The following SYN3 variants were observed in gnomAD, a reference collection of about 807,000 sequenced individuals.
SYN3 encodes the protein synapsin III, also known as synapsin-3.
In SYN3, 35 loss-of-function variants were observed where a neutral mutation model predicts 65.8. That is an observed-to-expected ratio of 0.53 (90% CI 0.41 to 0.70). The LOEUF (loss-of-function observed/expected upper bound fraction) is 0.70. SYN3 is among the 30% of genes least tolerant of loss of function. SYN3 has a pLI of 0.00. For synonymous variants in SYN3, 270 were observed against 292.9 expected (o/e 0.92, Z 0.80); for missense variants, 680 against 749.0 (o/e 0.91, Z 1.08).
chr22:32,550,393 G>C (rs1021069977), intron 7 of SYN3, among the ~76,000 whole-genome samples: 2 of 147,204 alleles, frequency 1.4e-5, no homozygotes, highest in African/African-American at 5.0e-5. Flanking sequence ...CAACACAACA[G>C]TAACTATATA....
At chr22:32,911,905 T>C (rs1357485628) in intron 4 of SYN3, among the ~76,000 whole-genome samples, 1 of 152,182 alleles carries the variant, frequency 6.6e-6, no homozygotes, top group African/African-American at 2.4e-5. Context: ...CATGGTGTAG[T>C]TGTCAGAACA....
intron 6 of SYN3, among the ~76,000 whole-genome samples, chr22:32,770,272 C>T (rs1176139017): frequency 6.6e-6 from 1 of 152,174 alleles, no homozygotes; most frequent in Non-Finnish European, 1.5e-5. Flanking sequence ...TCTGTTCTTG[C>T]CCCACAACCA....
intron 6 of SYN3, among the ~76,000 whole-genome samples, chr22:32,647,488 C>A (rs1967968761): frequency 6.6e-6 from 1 of 151,304 alleles, no homozygotes; most frequent in African/African-American, 2.4e-5. Context: ...ACTCTATAGC[C>A]CAGGCTGGAG....
At chr22:33,020,721 C>T (rs1332577352) in intron 1 of SYN3, among the ~76,000 whole-genome samples, 1 of 152,152 alleles carries the variant, frequency 6.6e-6, no homozygotes, top group African/African-American at 2.4e-5. Flanking sequence ...AAGCCCCCTC[C>T]CAAACCCAGG....
intron 1 of SYN3, among the ~76,000 whole-genome samples, chr22:33,049,026 G>A (rs2054116741): frequency 6.6e-6 from 1 of 152,008 alleles, no homozygotes; most frequent in African/African-American, 2.4e-5. Flanking sequence ...GATAGCACAG[G>A]GAATTACTAT....
intron 6 of SYN3, among the ~76,000 whole-genome samples, chr22:32,712,161 C>A (rs2060974710): frequency 6.6e-6 from 1 of 152,182 alleles, no homozygotes; most frequent in South Asian, 2.1e-4. Context: ...CTTTCCCCTG[C>A]CACTTGTGCT....
chr22:32,984,642 C>T (rs1349104040), intron 2 of SYN3, among the ~76,000 whole-genome samples: 2 of 152,186 alleles, frequency 1.3e-5, no homozygotes, highest in Admixed American at 6.5e-5. Flanking sequence ...TATCCCCTCA[C>T]TCCTAACTCC....
intron 6 of SYN3, among the ~76,000 whole-genome samples, chr22:32,657,389 C>T (rs2060157368): frequency 6.6e-6 from 1 of 151,510 alleles, no homozygotes. Context: ...TCCCAAAGTG[C>T]TGGGATTATA....
chr22:32,947,412 T>C (rs1180229268), intron 3 of SYN3: 1 of 152,226 alleles, frequency 6.6e-6, no homozygotes, highest in African/African-American at 2.4e-5. Flanking sequence ...AAAATACTTA[T>C]CACCAAAATT....
At chr22:32,562,536 T>G (rs2058601535) in intron 7 of SYN3, among the ~76,000 whole-genome samples, 1 of 152,208 alleles carries the variant, frequency 6.6e-6, no homozygotes, top group South Asian at 2.1e-4. Flanking sequence ...GGTCTCTGCC[T>G]AATACTCCCC....
At chr22:32,820,274 G>A (rs1206799032) in intron 6 of SYN3, among the ~76,000 whole-genome samples, 2 of 149,984 alleles carry the variant, frequency 1.3e-5, no homozygotes, top group East Asian at 2.1e-4. Context: ...GTGCGCGTGT[G>A]TGTGTGTGTG....
intron 7 of SYN3, among the ~76,000 whole-genome samples, chr22:32,561,202 C>T (rs1206818044): frequency 6.6e-6 from 1 of 152,148 alleles, no homozygotes; most frequent in Admixed American, 6.5e-5. Flanking sequence ...CTGCGGCCAG[C>T]GTAGGTCAGG....
At chr22:32,950,891 G>A (rs1392357974) in intron 3 of SYN3, among the ~76,000 whole-genome samples, 1 of 152,060 alleles carries the variant, frequency 6.6e-6, no homozygotes, top group Non-Finnish European at 1.5e-5. Flanking sequence ...CAGGGGTGGT[G>A]CTGGTGATTG....
At chr22:32,739,176 G>GGA (rs565653773) in intron 6 of SYN3, among the ~76,000 whole-genome samples, 3 of 137,098 alleles carry the variant, frequency 2.2e-5, no homozygotes, top group Admixed American at 7.2e-5. Context: ...TGAATCACAG[G>GGA]GGGGGGGCGG....
chr22:32,844,543 A>G (rs2048007087), intron 6 of SYN3, among the ~76,000 whole-genome samples: 1 of 152,234 alleles, frequency 6.6e-6, no homozygotes, highest in Non-Finnish European at 1.5e-5. Flanking sequence ...ATATGCCTCT[A>G]TGCCTGGCTT....
chr22:32,638,200 C>T (rs180836750), intron 6 of SYN3, among the ~76,000 whole-genome samples: 533 of 152,188 alleles, frequency 3.5e-3, no homozygotes, highest in Non-Finnish European at 4.9e-3. Flanking sequence ...ACCACATTTC[C>T]TTTATCCAGG....
intron 1 of SYN3, among the ~76,000 whole-genome samples, chr22:33,036,678 C>CTTTTTTTTTTT (rs133977): frequency 1.0e-5 from 1 of 99,540 alleles, no homozygotes; most frequent in African/African-American, 4.7e-5. Flanking sequence ...AGCCCAAGTT[C>CTTTTTTTTTTT]TTTTTTTTTT....
At chr22:32,786,856 G>A (rs1214960011) in intron 6 of SYN3, among the ~76,000 whole-genome samples, 1 of 152,008 alleles carries the variant, frequency 6.6e-6, no homozygotes, top group Non-Finnish European at 1.5e-5. Context: ...ATGGGATGAA[G>A]GGCACAGGTC....
intron 6 of SYN3, among the ~76,000 whole-genome samples, chr22:32,846,669 T>C (rs1163285360): frequency 6.6e-6 from 1 of 152,188 alleles, no homozygotes; most frequent in Non-Finnish European, 1.5e-5. Flanking sequence ...GAACCCTGGC[T>C]CTCAGGCTCC....
Sources: gnomAD v4.1 joint callset for allele counts (sites outside exome capture counted in the v4.1 genomes callset) on GRCh38, gnomAD v4.1.1 for gene constraint, MANE v1.5 for transcripts, NCBI Gene and HGNC (gene_info 2026-07-23, HGNC 2026-07-21) for gene names.